Variants in DHDH observed in about 807,000 individuals in gnomAD.
DHDH encodes the protein trans-1,2-dihydrobenzene-1,2-diol dehydrogenase.
A neutral mutation model predicts 33.2 loss-of-function variants in DHDH; 29 were observed. The ratio of observed to expected loss-of-function variants is 0.87; its 90% CI spans 0.65 to 1.19. The LOEUF is 1.19. Among genes scored for constraint, DHDH ranks in the 50% most tolerant of loss-of-function variants. The pLI is 0.00. For missense variants in DHDH, 431 were observed against 455.0 expected (o/e 0.95, Z 0.48); for synonymous variants, 201 against 187.9 (o/e 1.07, Z -0.57).
chr19:48,935,886 C>G (rs2037765826), intron 2 of DHDH, 146 bp from the exon 3 acceptor site: 7 of 824,414 alleles, frequency 8.5e-6, no homozygotes, highest in East Asian at 3.2e-5. Context: ...GTAACAGCCC[C>G]TTCCTAAGGA....
rs573680145 is a variant in DHDH at position 48,944,731 on chromosome 19, T to A, written c.896-93T>A. 7.9e-6 allele frequency: 10 copies of A among 1,272,610 alleles called. No individual in the cohort carries two copies. The East Asian group carries it at 1.9e-4, about 24-fold the overall frequency. 78.8% of individuals were successfully genotyped at this position (1,272,610 alleles called of 1,614,324 possible). A position where few individuals can be genotyped will look rare whatever the true frequency, so the allele number is the denominator to read the frequency against. On this transcript the variant is annotated intron_variant, in intron 6 of 6. Coordinates refer to ENST00000221403, the MANE Select transcript of DHDH (RefSeq NM_014475.4). ...CTGCAGCATCCATCTGCCTGAACCA[T>A]GTATATTGTGCCACATGGAATTCTG...
intron 4 of DHDH, among the ~76,000 whole-genome samples, chr19:48,940,741 G>A (rs561534134): frequency 2.6e-5 from 4 of 152,182 alleles, no homozygotes; most frequent in South Asian, 4.2e-4. Context: ...CCTATAGTCC[G>A]GCTACTCTGG....
chr19:48,935,555 C>A (rs1233849138), intron 2 of DHDH, among the ~76,000 whole-genome samples: 1 of 149,318 alleles, frequency 6.7e-6, no homozygotes, highest in South Asian at 2.1e-4. Flanking sequence ...CGGTGGCTGA[C>A]GCCTGTAATC....
At chr19:48,943,310 C>T (rs1483944729) in intron 5 of DHDH, among the ~76,000 whole-genome samples, 1 of 151,852 alleles carries the variant, frequency 6.6e-6, no homozygotes, top group Non-Finnish European at 1.5e-5. Context: ...TTGTGAATTT[C>T]GGAAGTGCAT....
chr19:48,936,287 C>A, intron 3 of DHDH, 92 bp downstream of exon 3: 1 of 1,415,140 alleles, frequency 7.1e-7, no homozygotes, highest in South Asian at 1.5e-5. Context: ...GTGCATTTGC[C>A]AGGATGTATC....
intron 3 of DHDH, among the ~76,000 whole-genome samples, chr19:48,939,229 C>T (rs1440709242): frequency 6.6e-6 from 1 of 151,498 alleles, no homozygotes; most frequent in African/African-American, 2.4e-5. Context: ...TGCTTGAGCC[C>T]AGGAGTTCGA....
chr19:48,933,855 G>A (rs781172091), intron 1 of DHDH, 44 bp downstream of exon 1: 62 of 1,579,144 alleles, frequency 3.9e-5, no homozygotes, highest in Non-Finnish European at 5.2e-5. Context: ...GGCGGGGGGC[G>A]GGACTCCAGA....
At chr19:48,934,341 T>C (rs976927167) in intron 1 of DHDH, among the ~76,000 whole-genome samples, 2 of 152,130 alleles carry the variant, frequency 1.3e-5, no homozygotes, top group Non-Finnish European at 2.9e-5. Flanking sequence ...GCCTGAGATA[T>C]GGCCTCGTGG....
intron 3 of DHDH, among the ~76,000 whole-genome samples, chr19:48,937,076 G>A (rs1015058570): frequency 1.3e-5 from 2 of 151,896 alleles, no homozygotes; most frequent in African/African-American, 4.8e-5. Context: ...GAGCCACCGC[G>A]CCCGGCCCCT....
upstream of DHDH, chr19:48,933,697 G>A (rs1406377029): frequency 2.5e-6 from 4 of 1,612,330 alleles, no homozygotes; most frequent in South Asian, 1.1e-5. Flanking sequence ...GGGACCGAAG[G>A]TGCCGAGGGC....
chr19:48,935,989 G>A (rs1185866661), intron 2 of DHDH, 43 bp from the exon 3 acceptor site: 1 of 1,559,612 alleles, frequency 6.4e-7, no homozygotes. Flanking sequence ...TCGGCTGTCT[G>A]GGTGGGCGGG....
chr19:48,943,321 C>A (rs1270900894), intron 5 of DHDH, among the ~76,000 whole-genome samples: 1 of 151,922 alleles, frequency 6.6e-6, no homozygotes, highest in Non-Finnish European at 1.5e-5. Flanking sequence ...GGAAGTGCAT[C>A]CGGGGGAGGA....
intron 5 of DHDH, among the ~76,000 whole-genome samples, chr19:48,943,226 T>A (rs1380627936): frequency 2.0e-5 from 3 of 151,376 alleles, no homozygotes; most frequent in Non-Finnish European, 2.9e-5. Context: ...AGTGACAGAG[T>A]GAGATCCTGT....
At chr19:48,937,681 G>A (rs1208534977) in intron 3 of DHDH, among the ~76,000 whole-genome samples, 2 of 151,792 alleles carry the variant, frequency 1.3e-5, no homozygotes, top group African/African-American at 4.8e-5. Context: ...GCGTGGTGGC[G>A]GGCGCCTGTA....
Position 48,944,384 on chromosome 19 carries a change from G to A in DHDH, c.772G>A (p.Glu258Lys), listed in dbSNP as rs373524516. ...CCTCAACCCCTGCTGGTGCCCGACC[G>A]AGCTGGTGGTGAAGGGGGAGCATAA... ...QLLNPCWCPTELVVKGEHKEF... is the reference protein window; with the variant it reads ...QLLNPCWCPTKLVVKGEHKEF... The change falls in exon 6 of 7, where the codon GAG becomes AAG. Residue 258 changes from glutamate to lysine, a missense_variant. Coordinates refer to ENST00000221403, the MANE Select transcript of DHDH (RefSeq NM_014475.4). 1.1e-5 allele frequency: 18 copies of A among 1,614,108 alleles called. No homozygotes were observed. The highest frequency in any genetic ancestry group is 2.2e-5 in the South Asian group (2 of 91,066).
rs558043245 is a variant in DHDH at position 48,940,120 on chromosome 19, C to T, written c.619+419C>T. On this transcript the variant is annotated intron_variant, in intron 4 of 6. Coordinates refer to ENST00000221403, the MANE Select transcript of DHDH (RefSeq NM_014475.4). Reference sequence around the variant, plus strand: ...CTGTAATTCCAGCACTTTGGGAGGCCGAGGTGGCCAGATCACCTGAGGTCA... The same window carrying T: ...CTGTAATTCCAGCACTTTGGGAGGCTGAGGTGGCCAGATCACCTGAGGTCA... Among the ~76,000 whole-genome samples, 12 of 150,852 alleles carry T rather than the reference C, an allele frequency of 8.0e-5. No homozygotes were observed. In the South Asian group the frequency reaches 1.7e-3, roughly 21 times the overall value.
At chr19:48,941,675 CTTT>C (rs541784306) in intron 4 of DHDH, among the ~76,000 whole-genome samples, 4 of 131,124 alleles carry the variant, frequency 3.1e-5, no homozygotes, top group Admixed American at 7.8e-5. Flanking sequence ...GAACCACCGG[CTTT>C]TTTTTTTTTT....
At chr19:48,937,845 A>G (rs2037802769) in intron 3 of DHDH, among the ~76,000 whole-genome samples, 1 of 146,648 alleles carries the variant, frequency 6.8e-6, no homozygotes, top group African/African-American at 2.5e-5. Context: ...AAATTGCTGG[A>G]GTGCAGCCTT....
Position 48,942,640 on chromosome 19 carries a change from A to G in DHDH, c.744+76A>G, listed in dbSNP as rs1173844615. The G allele has an allele frequency of 3.3e-6, 5 of 1,538,064 alleles. No homozygotes were observed. The African/African-American group carries it at 4.1e-5, about 13-fold the overall frequency. On this transcript the variant is annotated intron_variant, in intron 5 of 6. Coordinates refer to ENST00000221403, the MANE Select transcript of DHDH (RefSeq NM_014475.4). ...GGGGACAAATGGCCTCTGGAGCTAG[A>G]TGAGAGCTTAACCAGCCAATTTCAC...
Sources: allele counts gnomAD v4.1 joint callset (sites outside exome capture counted in the v4.1 genomes callset), GRCh38; gene constraint gnomAD v4.1.1; transcripts MANE v1.5; gene names NCBI Gene and HGNC (gene_info 2026-07-23, HGNC 2026-07-21).